Variants in B4GALT1 observed in about 807,000 individuals in gnomAD.
B4GALT1 encodes beta-1,4-galactosyltransferase 1, also known as N-acetyllactosamine synthase.
Under a neutral mutation model 34.9 loss-of-function variants are expected in B4GALT1, and 16 were observed. The ratio of observed to expected loss-of-function variants is 0.46; its 90% CI spans 0.31 to 0.70. B4GALT1 has a LOEUF of 0.70. B4GALT1 is among the 30% of genes least tolerant of loss of function. B4GALT1 has a pLI of 0.05. For synonymous variants in B4GALT1, 221 were observed against 218.1 expected, an observed-to-expected ratio of 1.01 and a Z score of -0.12; for missense variants, 445 against 530.5, an observed-to-expected ratio of 0.84 and a Z score of 1.58.
chr9:33,135,518 C>T, intron 1 of B4GALT1, 94 bp from the exon 2 acceptor site: 1 of 1,281,634 alleles, frequency 7.8e-7, no homozygotes, highest in Non-Finnish European at 1.1e-6. Flanking sequence ...GCTGCAGCTG[C>T]AGAGGAAATG....
chr9:33,155,351 C>T (rs1040196965), intron 1 of B4GALT1, among the ~76,000 whole-genome samples: 3 of 152,230 alleles, frequency 2.0e-5, no homozygotes, highest in Non-Finnish European at 2.9e-5. Context: ...ACACCAGGCA[C>T]ACAAGACTGA....
rs148302183 is a variant in B4GALT1 at position 33,115,582 on chromosome 9, C to T, written c.959+409G>A. ...TATCTCTTTTGTATATGTGAAAATA[C>T]TCCAAAATAAAAATATAACACAAAG... On this transcript the variant is annotated intron_variant, in intron 4 of 5. Coordinates refer to ENST00000379731, the MANE Select transcript of B4GALT1 (RefSeq NM_001497.4). Among the ~76,000 whole-genome samples the T allele has an allele frequency of 3.2e-4, 48 of 152,296 alleles. 1 individual carries two copies. In the East Asian group the frequency reaches 9.2e-3, roughly 29 times the overall value.
chr9:33,182,517 G>T, the B4GALT1 span, among the ~76,000 whole-genome samples: 1 of 152,138 alleles, frequency 6.6e-6, no homozygotes, highest in South Asian at 2.1e-4. Flanking sequence ...TGCTGTATCA[G>T]ACTCCCCCTG....
At chr9:33,153,589 G>A (rs1178035161) in intron 1 of B4GALT1, among the ~76,000 whole-genome samples, 1 of 152,178 alleles carries the variant, frequency 6.6e-6, no homozygotes, top group African/African-American at 2.4e-5. Context: ...ACTATGAAAT[G>A]TATGCCAACA....
chr9:33,166,941 G>A lies in B4GALT1; in HGVS notation c.229C>T (p.Leu77Phe), dbSNP rs372516039. Residue 77 changes from leucine to phenylalanine, a missense_variant, in exon 1 of 6, where the codon CTC becomes TTC. Transcript: ENST00000379731. ...GGCGGCCGGGCCCCTCCGGTCCGGAGCTCCCCGGAGGACTGCCCGATGGCG... is the reference window on the plus strand; with the variant it reads ...GGCGGCCGGGCCCCTCCGGTCCGGAACTCCCCGGAGGACTGCCCGATGGCG... ...AAAIGQSSGE[L>F]RTGGARPPPP... The A allele has an allele frequency of 1.2e-4, 190 of 1,572,234 alleles. No homozygotes were observed. Among genetic ancestry groups the A allele is most frequent in the Non-Finnish European group, 1.5e-4 (175 of 1,166,256 alleles).
rs1407679556 is a variant in B4GALT1 at position 33,120,445 on chromosome 9, G to A, written c.810C>T (p.Ser270=). Residue 270 remains serine (S), a synonymous_variant, in exon 3 of 6, where the codon TCC becomes TCT. Coordinates refer to ENST00000379731, the MANE Select transcript of B4GALT1 (RefSeq NM_001497.4). ...YRCFSQPRHI[S]VAMDKFGFSL... ...TGAATCCAAACTTATCCATTGCAAC[G>A]GAAATGTGCCGTGGCTGTGAAAAAC... 6.2e-6 allele frequency: 10 copies of A among 1,613,392 alleles called. No individual in the cohort carries two copies. Among genetic ancestry groups the A allele is most frequent in the East Asian group, 2.2e-5 (1 of 44,896 alleles).
At chr9:33,143,617 C>T (rs1799894522) in intron 1 of B4GALT1, among the ~76,000 whole-genome samples, 1 of 152,258 alleles carries the variant, frequency 6.6e-6, no homozygotes, top group Non-Finnish European at 1.5e-5. Context: ...CAGGAATCTG[C>T]ATTTTAACAA....
intron 2 of B4GALT1, among the ~76,000 whole-genome samples, chr9:33,125,692 T>C (rs1040907256): frequency 6.6e-6 from 1 of 152,122 alleles, no homozygotes; most frequent in African/African-American, 2.4e-5. Context: ...GAATCTGGTC[T>C]AATCCCCAAG....
chr9:33,169,242 C>A (rs1840815954), upstream of B4GALT1, among the ~76,000 whole-genome samples: 1 of 152,184 alleles, frequency 6.6e-6, no homozygotes, highest in South Asian at 2.1e-4. Flanking sequence ...TCCACAGAAA[C>A]CCTGTTCAAT....
chr9:33,167,105 G>A lies in B4GALT1; in HGVS notation c.65C>T (p.Ala22Val). Residue 22 changes from alanine to valine, a missense_variant, in exon 1 of 6, where the codon GCC becomes GTC. By Grantham distance (64) the Ala-to-Val change is moderately conservative. This residue lies in a region of B4GALT1 where 349 missense variants were observed against 395.5 expected (regional missense o/e 0.88). Coordinates refer to ENST00000379731, the MANE Select transcript of B4GALT1 (RefSeq NM_001497.4). ...GCAGACGGCCACGAGCAGGCGGCAG[G>A]CCCGCTGTAGGGACGCGCCTGGCAT... Reference protein sequence around the residue: ...AAMPGASLQRACRLLVAVCAL... With the variant: ...AAMPGASLQRVCRLLVAVCAL... 6.2e-7 allele frequency: 1 copy of A among 1,604,672 alleles called. No individual in the cohort carries two copies. The highest frequency in any genetic ancestry group is 8.5e-7 in the Non-Finnish European group (1 of 1,178,626).
intron 1 of B4GALT1, among the ~76,000 whole-genome samples, chr9:33,149,332 G>C (rs951535651): frequency 6.6e-6 from 1 of 151,490 alleles, no homozygotes; most frequent in Non-Finnish European, 1.5e-5. Flanking sequence ...CCTGGCTAGA[G>C]TGCAGTGGCG....
intron 1 of B4GALT1, 85 bp from the exon 2 acceptor site, chr9:33,135,509 C>G: frequency 7.5e-7 from 1 of 1,338,946 alleles, no homozygotes; most frequent in Non-Finnish European, 1.1e-6. Context: ...CAGGCTGCAG[C>G]TGCAGCTGCA....
At position 33,113,251 on chromosome 9, in the gene B4GALT1, G is replaced by C; in HGVS notation, c.*203C>G. 2.9e-6 allele frequency: 2 copies of C among 691,062 alleles called. No homozygotes were observed. Among genetic ancestry groups the C allele is most frequent in the Non-Finnish European group, 2.5e-6 (1 of 396,330 alleles). 42.8% of individuals were successfully genotyped at this position (691,062 alleles called of 1,614,324 possible). A position where few individuals can be genotyped will look rare whatever the true frequency, so the allele number is the denominator to read the frequency against. ...CCCGCAAAGGCATAAACACCTTGCA[G>C]AGCTAAGAATTCACATGCCGAGCCA... is the stretch of plus-strand genomic sequence containing the variant. On this transcript the variant is annotated 3_prime_UTR_variant, in exon 6 of 6. Coordinates refer to ENST00000379731, the MANE Select transcript of B4GALT1 (RefSeq NM_001497.4).
chr9:33,164,156 C>T (rs1840715177), intron 1 of B4GALT1, among the ~76,000 whole-genome samples: 1 of 152,196 alleles, frequency 6.6e-6, no homozygotes, highest in African/African-American at 2.4e-5. Flanking sequence ...GCCCAGACCC[C>T]TGGACACCAG....
chr9:33,163,266 G>A (rs892377553), intron 1 of B4GALT1, among the ~76,000 whole-genome samples: 8 of 152,168 alleles, frequency 5.3e-5, no homozygotes, highest in Non-Finnish European at 5.9e-5. Flanking sequence ...CCTGGCAGAC[G>A]CTCAGCAACA....
exon 3 of B4GALT1, chr9:33,104,526 A>G (rs10813946): frequency 0.26 from 87,834 of 333,906 alleles, 12,096 homozygotes; most frequent in East Asian, 0.35. Context: ...TCCTTAGGGG[A>G]GGACAGCATT....
intron 1 of B4GALT1, among the ~76,000 whole-genome samples, chr9:33,140,389 C>T (rs1840331484): frequency 6.6e-6 from 1 of 152,144 alleles, no homozygotes; most frequent in Non-Finnish European, 1.5e-5. Context: ...TAGGAATGCC[C>T]TTTCTTCCAA....
chr9:33,167,008 G>T lies in B4GALT1; in HGVS notation c.162C>A (p.Val54=). The change falls in exon 1 of 6, where the codon GTC becomes GTA. Residue 54 remains valine (V), a synonymous_variant. Coordinates refer to ENST00000379731, the MANE Select transcript of B4GALT1 (RefSeq NM_001497.4). The part of the protein sequence containing the change: ...GRDLSRLPQL[V]GVSTPLQGGS... ...CGCCCTGCAGCGGTGTGGAGACTCC[G>T]ACCAGTTGGGGCAGGCGGCTCAGGT... 6.3e-7 allele frequency: 1 copy of T among 1,596,902 alleles called. No individual in the cohort carries two copies. Among genetic ancestry groups the T allele is most frequent in the Non-Finnish European group, 8.5e-7 (1 of 1,177,524 alleles).
chr9:33,154,415 T>G (rs1840567635), intron 1 of B4GALT1, among the ~76,000 whole-genome samples: 1 of 152,136 alleles, frequency 6.6e-6, no homozygotes, highest in Non-Finnish European at 1.5e-5. Context: ...CTGGATATTT[T>G]CCCCCTAACA....
Sources: gnomAD v4.1 joint callset for allele counts (sites outside exome capture counted in the v4.1 genomes callset) on GRCh38, gnomAD v4.1.1 for gene constraint, gnomAD v4.1.1 regional missense constraint, MANE v1.5 for transcripts, NCBI Gene and HGNC (gene_info 2026-07-23, HGNC 2026-07-21) for gene names.